The following SLIT2 variants were observed in gnomAD, a reference collection of about 807,000 sequenced individuals.
SLIT2 encodes slit guidance ligand 2, also known as slit homolog 2 protein.
SLIT2 carries 41 observed loss-of-function variants against 185.7 expected under a neutral mutation model. That is an observed-to-expected ratio of 0.22 (90% CI 0.17 to 0.29). The LOEUF (loss-of-function observed/expected upper bound fraction) is 0.29. Ranked by LOEUF, SLIT2 falls within the 10% of genes least tolerant of loss-of-function variation. The pLI, the probability that SLIT2 is intolerant of heterozygous loss-of-function variation, is 1.00. For synonymous variants in SLIT2, 693 were observed against 680.2 expected (o/e 1.02, Z -0.29); for missense variants, 1,571 against 1,909.0 (o/e 0.82, Z 3.30).
intron 29 of SLIT2, among the ~76,000 whole-genome samples, chr4:20,580,675 T>A (rs1006116380): frequency 6.6e-6 from 1 of 151,910 alleles, no homozygotes; most frequent in East Asian, 1.9e-4. Flanking sequence ...AACAGAGGAG[T>A]AAGTGATGAT....
At chr4:20,543,607 A>G (rs540444362) in intron 21 of SLIT2, among the ~76,000 whole-genome samples, 1 of 152,342 alleles carries the variant, frequency 6.6e-6, no homozygotes, top group Admixed American at 6.5e-5. Context: ...AGCAGGTTTG[A>G]CAAACTTTTG....
intron 7 of SLIT2, among the ~76,000 whole-genome samples, chr4:20,488,153 T>C (rs932979631): frequency 6.6e-5 from 10 of 152,010 alleles, no homozygotes; most frequent in Admixed American, 6.6e-5. Context: ...CCTGCCAACA[T>C]AGAGCGACTC....
chr4:20,519,205 T>C (rs1277966608), intron 11 of SLIT2, among the ~76,000 whole-genome samples, 177 bp from the exon 12 acceptor site: 1 of 152,224 alleles, frequency 6.6e-6, no homozygotes, highest in Non-Finnish European at 1.5e-5. Flanking sequence ...AGTAAGCATA[T>C]ATCTGATCTG....
intron 6 of SLIT2, among the ~76,000 whole-genome samples, chr4:20,482,874 A>C (rs937888305): frequency 2.6e-5 from 4 of 151,882 alleles, no homozygotes; most frequent in Non-Finnish European, 5.9e-5. Flanking sequence ...CCCCTAGAAA[A>C]ATCAGTTGAT....
chr4:20,292,717 T>C (rs1479540464), intron 4 of SLIT2, among the ~76,000 whole-genome samples: 2 of 152,204 alleles, frequency 1.3e-5, no homozygotes, highest in Non-Finnish European at 2.9e-5. Flanking sequence ...AAAATAAGAT[T>C]ATTTGGTTAG....
chr4:20,361,087 G>A (rs1722698450), intron 4 of SLIT2, among the ~76,000 whole-genome samples: 1 of 151,936 alleles, frequency 6.6e-6, no homozygotes, highest in South Asian at 2.1e-4. Flanking sequence ...GACATCCTTT[G>A]TTTTACAGAA....
chr4:20,422,453 G>C (rs1728236500), intron 4 of SLIT2, among the ~76,000 whole-genome samples: 1 of 152,094 alleles, frequency 6.6e-6, no homozygotes, highest in East Asian at 1.9e-4. Flanking sequence ...TTTGGCCATA[G>C]GAAATTGCCA....
chr4:20,609,998 T>A lies in SLIT2; in HGVS notation c.3693-15T>A, dbSNP rs749572709. 1 of 1,582,898 alleles carries A rather than the reference T, an allele frequency of 6.3e-7. No homozygotes were observed. The highest frequency in any genetic ancestry group is 8.6e-7 in the Non-Finnish European group (1 of 1,167,240). On this transcript the variant is annotated splice_polypyrimidine_tract_variant and intron_variant, in intron 33 of 36. Transcript: ENST00000504154. ...AAGAAAATGGAAGAATCAGCCATTT[T>A]TTTTTCCGTTGTAGTGTGGAGACAA...
chr4:20,445,629 C>T (rs1343135520), intron 4 of SLIT2, among the ~76,000 whole-genome samples: 1 of 152,128 alleles, frequency 6.6e-6, no homozygotes, highest in African/African-American at 2.4e-5. Context: ...CAGATAAAAG[C>T]ATGTATCTAA....
intron 4 of SLIT2, among the ~76,000 whole-genome samples, chr4:20,415,776 T>C (rs1490529591): frequency 6.6e-6 from 1 of 152,178 alleles, no homozygotes; most frequent in African/African-American, 2.4e-5. Context: ...ATATGTAGAG[T>C]GATTCTGTAT....
At chr4:20,569,079 T>A (rs756559241) in intron 29 of SLIT2, 75 bp downstream of exon 29, 15 of 1,253,026 alleles carry the variant, frequency 1.2e-5, no homozygotes, top group South Asian at 3.7e-5. Context: ...ATGTTATATA[T>A]GTTTAGTAAA....
At chr4:20,563,667 T>G (rs1223312401) in intron 26 of SLIT2, among the ~76,000 whole-genome samples, 1 of 151,532 alleles carries the variant, frequency 6.6e-6, no homozygotes, top group Non-Finnish European at 1.5e-5. Flanking sequence ...GAGACTGTGA[T>G]GAATAGATAA....
intron 29 of SLIT2, among the ~76,000 whole-genome samples, chr4:20,589,394 G>T (rs1228072602): frequency 1.3e-5 from 2 of 152,130 alleles, no homozygotes; most frequent in African/African-American, 4.8e-5. Flanking sequence ...TATTCTGAGG[G>T]TGCTCATATT....
chr4:20,266,884 A>G (rs929129713), intron 3 of SLIT2, among the ~76,000 whole-genome samples: 1 of 152,036 alleles, frequency 6.6e-6, no homozygotes, highest in Admixed American at 6.6e-5. Context: ...TTTGGAGAAA[A>G]GGAGAAGCAC....
At chr4:20,400,282 TGAG>T (rs1208656680) in intron 4 of SLIT2, among the ~76,000 whole-genome samples, 2 of 151,532 alleles carry the variant, frequency 1.3e-5, no homozygotes, top group African/African-American at 2.4e-5. Flanking sequence ...TGTGGAGAAA[TGAG>T]GAGGCAATTT....
chr4:20,313,224 G>T (rs1259942231), intron 4 of SLIT2, among the ~76,000 whole-genome samples: 1 of 152,212 alleles, frequency 6.6e-6, no homozygotes, highest in Non-Finnish European at 1.5e-5. Context: ...TGTAACAGAA[G>T]TATGGCACTA....
intron 29 of SLIT2, among the ~76,000 whole-genome samples, chr4:20,578,870 A>G (rs553673543): frequency 6.6e-6 from 1 of 152,296 alleles, no homozygotes; most frequent in South Asian, 2.1e-4. Context: ...CAGAAATCTT[A>G]ATCTGGGGAC....
intron 4 of SLIT2, among the ~76,000 whole-genome samples, chr4:20,319,964 C>T (rs986726909): frequency 1.1e-4 from 17 of 152,088 alleles, no homozygotes; most frequent in African/African-American, 3.6e-4. Context: ...TCTCCGACGC[C>T]CGTGAGAGTC....
intron 4 of SLIT2, among the ~76,000 whole-genome samples, chr4:20,329,263 C>G (rs1031594683): frequency 1.3e-5 from 2 of 151,612 alleles, no homozygotes; most frequent in African/African-American, 4.8e-5. Flanking sequence ...AATTTACAGT[C>G]CATCAAGGAG....
Sources: gnomAD v4.1 joint callset for allele counts (sites outside exome capture counted in the v4.1 genomes callset) on GRCh38, gnomAD v4.1.1 for gene constraint, MANE v1.5 for transcripts, NCBI Gene and HGNC (gene_info 2026-07-23, HGNC 2026-07-21) for gene names.